DCAF5: variants seen among roughly 807,000 people sequenced by gnomAD.
DCAF5 encodes DDB1 and CUL4 associated factor 5.
DCAF5 carries 9 observed loss-of-function variants against 80.7 expected under a neutral mutation model. The ratio of observed to expected loss-of-function variants is 0.11; its 90% CI spans 0.07 to 0.19. The LOEUF is 0.19. DCAF5 is among the 10% of genes least tolerant of loss of function. The pLI, the probability that DCAF5 is intolerant of heterozygous loss-of-function variation, is 1.00. For missense variants in DCAF5, 842 were observed against 1,205.7 expected (o/e 0.70, Z 4.47); for synonymous variants, 433 against 461.9 (o/e 0.94, Z 0.80).
chr14:69,060,876 T>G (rs898954546), intron 8 of DCAF5, among the ~76,000 whole-genome samples: 2 of 152,114 alleles, frequency 1.3e-5, no homozygotes, highest in African/African-American at 2.4e-5. Context: ...TGAAGTACAA[T>G]TTGATTTAGC....
At position 69,105,931 on chromosome 14, in the gene DCAF5, ATATATATATATAT is replaced by A. The variant is rs563139510; in HGVS notation, c.665+10422_665+10434del. On this transcript the variant is annotated intron_variant, in intron 5 of 8. Coordinates refer to ENST00000341516, the MANE Select transcript of DCAF5 (RefSeq NM_003861.3). ...TAAACTGTCATATATATATATATAT[ATATATATATATAT>A]ATCTCCTATTGGTTCTGTTCCTCTG... Among the ~76,000 whole-genome samples the A allele has an allele frequency of 8.6e-4, 87 of 100,732 alleles. 10 individuals are homozygous for A. Among genetic ancestry groups the A allele is most frequent in the Non-Finnish European group, 1.2e-3 (48 of 41,424 alleles). The allele number at this position is 100,732 out of a possible 152,430, so 66.1% of individuals were successfully genotyped here. A position where few individuals can be genotyped will look rare whatever the true frequency, so the allele number is the denominator to read the frequency against.
rs1357056334 is a variant in DCAF5 at position 69,054,903 on chromosome 14, G to A, written c.1783C>T (p.Arg595Ter). ...NAMRRRQKTT[R>*]EDKPSAPIKP... ...ATTGGGGCACTGGGCTTGTCTTCTC[G>A]GGTTGTCTTCTGTCGGCGCCGCATG... The change falls in exon 9 of 9, where the codon CGA (arginine) becomes TGA (stop). Residue 595 changes from arginine (R) to a stop codon, truncating the protein, a stop_gained. Coordinates refer to ENST00000341516, the MANE Select transcript of DCAF5 (RefSeq NM_003861.3). LOFTEE classifies it high-confidence loss of function. 5 of 1,614,052 alleles carry A rather than the reference G, an allele frequency of 3.1e-6. No homozygotes were observed. Among genetic ancestry groups the A allele is most frequent in the Non-Finnish European group, 2.5e-6 (3 of 1,180,042 alleles).
rs1555383436 is a variant in DCAF5, at chr14:69,152,984, A to AACCGCCGCC, written c.-15_-7dup. On this transcript the variant is annotated 5_prime_UTR_variant, in exon 1 of 9. Coordinates refer to ENST00000341516, the MANE Select transcript of DCAF5 (RefSeq NM_003861.3). This position sits in a 1 kb window ranked among gnomAD's most constrained non-coding sequence, Gnocchi z 4.1. ...AGGCCAGCTCTCCTCTTCATGCTGGAACCGCCGCCGCCGCCGCTCGCGCCG... is the reference window on the plus strand; with the variant it reads ...AGGCCAGCTCTCCTCTTCATGCTGGAACCGCCGCCACCGCCGCCGCCGCCGCTCGCGCCG... The AACCGCCGCC allele has an allele frequency of 4.5e-6, 7 of 1,560,166 alleles. No homozygotes were observed. The African/African-American group carries it at 9.9e-5, about 22-fold the overall frequency.
chr14:69,067,989 A>C (rs552213644), intron 7 of DCAF5, among the ~76,000 whole-genome samples: 1 of 152,338 alleles, frequency 6.6e-6, no homozygotes, highest in Admixed American at 6.5e-5. Flanking sequence ...GAGCAGAGAA[A>C]TAAAGGGGCT....
intron 2 of DCAF5, among the ~76,000 whole-genome samples, chr14:69,121,535 G>C (rs964448921): frequency 2.0e-5 from 3 of 152,206 alleles, no homozygotes; most frequent in Admixed American, 2.0e-4. Context: ...TGGGTGAATG[G>C]TTGTAACTGA....
chr14:69,142,464 A>T (rs1595065703), intron 1 of DCAF5, among the ~76,000 whole-genome samples: 1 of 152,224 alleles, frequency 6.6e-6, no homozygotes, highest in East Asian at 1.9e-4. Context: ...ATGAAAGTGA[A>T]ATGCCTTCTT....
chr14:69,141,343 CTT>C (rs10592463), intron 1 of DCAF5, among the ~76,000 whole-genome samples: 46,038 of 149,334 alleles, frequency 0.31, 9,294 homozygotes, highest in East Asian at 0.9. Flanking sequence ...AAACTGGGAC[CTT>C]TTTTTTTCTT....
chr14:69,144,437 T>A (rs1317095770), intron 1 of DCAF5, among the ~76,000 whole-genome samples: 1 of 151,824 alleles, frequency 6.6e-6, no homozygotes, highest in African/African-American at 2.4e-5. Context: ...CTGGGCGTGG[T>A]GGCGGGTGCC....
chr14:69,092,226 AC>A (rs2039558614), intron 5 of DCAF5, among the ~76,000 whole-genome samples: 1 of 152,160 alleles, frequency 6.6e-6, no homozygotes, highest in South Asian at 2.1e-4. Flanking sequence ...ACTCGTCAAG[AC>A]CCTGAGAAGT....
At chr14:69,139,349 T>C (rs2041288849) in intron 1 of DCAF5, among the ~76,000 whole-genome samples, 1 of 150,836 alleles carries the variant, frequency 6.6e-6, no homozygotes, top group African/African-American at 2.4e-5. Context: ...CTGGACGTGG[T>C]GATGCACACA....
At chr14:69,119,802 T>A (rs1365694701) in intron 2 of DCAF5, among the ~76,000 whole-genome samples, 1 of 152,124 alleles carries the variant, frequency 6.6e-6, no homozygotes, top group Admixed American at 6.5e-5. Flanking sequence ...TCACTAGCTT[T>A]ATTTTTTTTC....
rs766546673 is a variant in DCAF5 at position 69,062,492 on chromosome 14, G to A, written c.966C>T (p.Val322=). ...DPEAGGIGRV[V]NGAFMVLKGH... is the part of the protein sequence containing the mutation. ...CTTTCAGCACCATGAAGGCTCCGTT[G>A]ACCACCCTACCAATGCCACCTGGGA... Residue 322 remains valine (V), a synonymous_variant, in exon 8 of 9, where the codon GTC becomes GTT. Transcript: ENST00000341516. The A allele has an allele frequency of 1.2e-6, 2 of 1,613,132 alleles. No individual in the cohort carries two copies. Among genetic ancestry groups the A allele is most frequent in the Non-Finnish European group, 8.5e-7 (1 of 1,179,358 alleles).
At chr14:69,071,450 G>A (rs2038690025) in intron 7 of DCAF5, among the ~76,000 whole-genome samples, 1 of 152,076 alleles carries the variant, frequency 6.6e-6, no homozygotes, top group African/African-American at 2.4e-5. Context: ...CACACAGCAG[G>A]CATCAAATAA....
intron 7 of DCAF5, among the ~76,000 whole-genome samples, chr14:69,074,020 TAGA>T (rs2038805550): frequency 6.6e-6 from 1 of 152,196 alleles, no homozygotes; most frequent in African/African-American, 2.4e-5. Flanking sequence ...TTCTAAATTC[TAGA>T]AGAGGAAAAG....
chr14:69,064,025 T>C (rs2038336645), intron 7 of DCAF5, among the ~76,000 whole-genome samples: 1 of 152,204 alleles, frequency 6.6e-6, no homozygotes, highest in Admixed American at 6.5e-5. Flanking sequence ...AGTGGATTTT[T>C]CATGGAGAAA....
intron 8 of DCAF5, among the ~76,000 whole-genome samples, chr14:69,056,972 T>C (rs748265993): frequency 3.3e-5 from 5 of 152,174 alleles, no homozygotes; most frequent in Non-Finnish European, 5.9e-5. Flanking sequence ...TTCATAATCT[T>C]ACCCTAGAGA....
intron 8 of DCAF5, among the ~76,000 whole-genome samples, chr14:69,059,602 G>C (rs1470099747): frequency 6.6e-6 from 1 of 152,206 alleles, no homozygotes; most frequent in Non-Finnish European, 1.5e-5. Flanking sequence ...TAAGTGCAGG[G>C]TGAGGCAGTA....
intron 8 of DCAF5, among the ~76,000 whole-genome samples, chr14:69,058,030 G>A (rs140151718): frequency 9.1e-4 from 139 of 152,276 alleles, no homozygotes; most frequent in South Asian, 8.3e-4. Flanking sequence ...GCAATTGAAT[G>A]CCTCAACCAG....
At chr14:69,078,456 T>C (rs1402804842) in intron 6 of DCAF5, among the ~76,000 whole-genome samples, 1 of 152,244 alleles carries the variant, frequency 6.6e-6, no homozygotes, top group African/African-American at 2.4e-5. Context: ...TCTGGGTATA[T>C]ATCCAAAAGC....
Sources: allele counts gnomAD v4.1 joint callset (sites outside exome capture counted in the v4.1 genomes callset), GRCh38; gene constraint gnomAD v4.1.1; non-coding constraint Gnocchi (gnomAD v3.1); transcripts MANE v1.5; gene names NCBI Gene and HGNC (gene_info 2026-07-23, HGNC 2026-07-21).